The following VTA1 variants were observed in gnomAD, a reference collection of about 807,000 sequenced individuals.
VTA1 encodes vacuolar protein sorting-associated protein VTA1 homolog.
Under a neutral mutation model 36.9 loss-of-function variants are expected in VTA1, and 24 were observed. The ratio of observed to expected loss-of-function variants is 0.65; its 90% CI spans 0.47 to 0.91. The LOEUF is 0.91. VTA1 is among the 40% of genes least tolerant of loss of function. The pLI is 0.00. For missense variants in VTA1, 393 were observed against 377.2 expected (o/e 1.04, Z -0.35); for synonymous variants, 142 against 130.2 (o/e 1.09, Z -0.62).
At chr6:142,166,148 T>C in intron 1 of VTA1, 80 bp from the exon 2 acceptor site, 3 of 861,178 alleles carry the variant, frequency 3.5e-6, no homozygotes, top group Non-Finnish European at 5.1e-6. Flanking sequence ...TAATTATTTA[T>C]TAGCAATTAT....
chr6:142,177,041 A>G (rs1931999), intron 4 of VTA1, among the ~76,000 whole-genome samples: 2 of 152,194 alleles, frequency 1.3e-5, no homozygotes, highest in Admixed American at 1.3e-4. Flanking sequence ...ATATTTTCCA[A>G]CTACAAAAGC....
At chr6:142,153,790 T>G (rs1344276936) in intron 1 of VTA1, among the ~76,000 whole-genome samples, 3 of 152,106 alleles carry the variant, frequency 2.0e-5, no homozygotes, top group Admixed American at 6.5e-5. Flanking sequence ...CTGGAAAGAA[T>G]CCCATTAGTT....
intron 4 of VTA1, among the ~76,000 whole-genome samples, chr6:142,174,915 A>G (rs963735040): frequency 2.6e-5 from 4 of 152,134 alleles, no homozygotes; most frequent in Non-Finnish European, 4.4e-5. Flanking sequence ...CCTGGGCCTC[A>G]CCAGAAGCCA....
At chr6:142,153,493 C>T (rs1363005748) in intron 1 of VTA1, among the ~76,000 whole-genome samples, 1 of 151,872 alleles carries the variant, frequency 6.6e-6, no homozygotes, top group Non-Finnish European at 1.5e-5. Flanking sequence ...GTGCCCTATC[C>T]TTTCTAGTAT....
At chr6:142,177,924 C>T (rs540891839) in intron 4 of VTA1, among the ~76,000 whole-genome samples, 6 of 152,200 alleles carry the variant, frequency 3.9e-5, no homozygotes, top group Admixed American at 1.3e-4. Context: ...AGCTTATTCA[C>T]GGGCATTAAT....
At chr6:142,180,918 A>G (rs921819423) in intron 4 of VTA1, among the ~76,000 whole-genome samples, 3 of 151,448 alleles carry the variant, frequency 2.0e-5, no homozygotes, top group African/African-American at 7.3e-5. Flanking sequence ...GAAAATAACT[A>G]CAAAGGACGT....
At chr6:142,192,702 T>TTG (rs35330800) in intron 5 of VTA1, among the ~76,000 whole-genome samples, 5,072 of 149,322 alleles carry the variant, frequency 0.034, 247 homozygotes, top group African/African-American at 0.11. Context: ...TTTTATATAT[T>TTG]TGTGTGTGTG....
In VTA1 at chr6:142,218,840, T is replaced by G. The variant is rs1776051207; in HGVS notation, c.*197T>G. 4 of 557,670 alleles carry G rather than the reference T, an allele frequency of 7.2e-6. No homozygotes were observed. In the South Asian group the frequency reaches 8.1e-5, roughly 11 times the overall value. The allele number at this position is 557,670 out of a possible 1,614,324, so 34.5% of individuals were successfully genotyped here. A position where few individuals can be genotyped will look rare whatever the true frequency, so the allele number is the denominator to read the frequency against. On this transcript the variant is annotated 3_prime_UTR_variant, in exon 8 of 8. Transcript: ENST00000367630. ...AGTTTTCATTGTCCATTTACTAGAT[T>G]CAATCGTCTCTGAGTATATAGGGCT...
At chr6:142,188,296 C>T (rs893104526) in intron 4 of VTA1, among the ~76,000 whole-genome samples, 3 of 126,332 alleles carry the variant, frequency 2.4e-5, no homozygotes, top group African/African-American at 6.1e-5. Flanking sequence ...AGTGCAGTGG[C>T]GTCTGCCTCC....
intron 7 of VTA1, among the ~76,000 whole-genome samples, chr6:142,215,766 T>C (rs1385329026): frequency 1.3e-5 from 2 of 152,252 alleles, no homozygotes; most frequent in African/African-American, 4.8e-5. Context: ...TCCTCTCTTA[T>C]GACATTAGAT....
intron 4 of VTA1, 69 bp downstream of exon 4, chr6:142,170,490 T>C (rs966507771): frequency 2.8e-6 from 3 of 1,073,568 alleles, no homozygotes; most frequent in South Asian, 1.7e-5. Context: ...AATATTGTTA[T>C]TGCATTGTTT....
At position 142,147,342 on chromosome 6, in the gene VTA1, C is replaced by T. The variant is rs542303004; in HGVS notation, c.55C>T (p.His19Tyr). ...CCCCGCACAGTTCAAGAGCATACAG[C>T]ATCATCTGAGGACGGCTCAGGAGCA... ...PLPAQFKSIQ[H>Y]HLRTAQEHDK... The change falls in exon 1 of 8, where the codon CAT becomes TAT. Residue 19 changes from histidine (H) to tyrosine (Y), a missense_variant. His to Tyr is a moderately conservative substitution (Grantham distance 83, BLOSUM62 2). Coordinates refer to ENST00000367630, the MANE Select transcript of VTA1 (RefSeq NM_016485.5). The T allele has an allele frequency of 1.2e-6, 2 of 1,614,238 alleles. No homozygotes were observed. The highest frequency in any genetic ancestry group is 2.2e-5 in the South Asian group (2 of 91,086).
At chr6:142,182,363 C>T (rs930961206) in intron 4 of VTA1, among the ~76,000 whole-genome samples, 1 of 152,052 alleles carries the variant, frequency 6.6e-6, no homozygotes, top group Non-Finnish European at 1.5e-5. Context: ...GGGGAGGATT[C>T]AAACAGAGAA....
At chr6:142,209,278 A>G (rs1225058520) in intron 7 of VTA1, among the ~76,000 whole-genome samples, 1 of 152,076 alleles carries the variant, frequency 6.6e-6, no homozygotes, top group African/African-American at 2.4e-5. Context: ...TAAGAAAGCA[A>G]TCCCATTTAC....
chr6:142,157,536 T>C (rs78407043), intron 1 of VTA1, among the ~76,000 whole-genome samples: 2,816 of 152,280 alleles, frequency 0.018, 89 homozygotes, highest in African/African-American at 0.065. Flanking sequence ...TGTCAACTCA[T>C]TTTACATCTC....
chr6:142,210,595 A>G (rs12214760), intron 7 of VTA1, among the ~76,000 whole-genome samples: 15,422 of 152,204 alleles, frequency 0.1, 948 homozygotes, highest in Admixed American at 0.14. Context: ...AAAACAAATA[A>G]TGCAATTCAA....
At chr6:142,202,812 T>C (rs1423047084) in intron 6 of VTA1, among the ~76,000 whole-genome samples, 1 of 151,958 alleles carries the variant, frequency 6.6e-6, no homozygotes, top group East Asian at 1.9e-4. Context: ...TTTTTTGTAC[T>C]ATATAAAATT....
chr6:142,168,277 T>C (rs898517541), intron 2 of VTA1, among the ~76,000 whole-genome samples: 1 of 152,244 alleles, frequency 6.6e-6, no homozygotes, highest in Admixed American at 6.5e-5. Flanking sequence ...TTTTTTTTTC[T>C]TTTTTCTGTT....
chr6:142,147,521 A>C (rs1384845357), intron 1 of VTA1, 122 bp downstream of exon 1: 5 of 1,028,190 alleles, frequency 4.9e-6, no homozygotes, highest in Middle Eastern at 2.6e-4. Flanking sequence ...TTTGACCTCG[A>C]GCCTACCCAG....
Sources: gnomAD v4.1 joint callset for allele counts (sites outside exome capture counted in the v4.1 genomes callset) on GRCh38, gnomAD v4.1.1 for gene constraint, MANE v1.5 for transcripts, NCBI Gene and HGNC (gene_info 2026-07-23, HGNC 2026-07-21) for gene names.